The following ATG14 variants were observed in gnomAD, a reference collection of about 807,000 sequenced individuals.
ATG14 encodes beclin 1-associated autophagy-related key regulator.
ATG14 carries 35 observed loss-of-function variants against 60.4 expected under a neutral mutation model. The observed-to-expected ratio is 0.58, with a 90% confidence interval of 0.44 to 0.77. The LOEUF is 0.77. ATG14 is among the 30% of genes least tolerant of loss of function. The pLI, the probability that ATG14 is intolerant of heterozygous loss-of-function variation, is 0.00. For synonymous variants in ATG14, 234 were observed against 228.8 expected (o/e 1.02, Z -0.21); for missense variants, 647 against 626.3 (o/e 1.03, Z -0.35).
intron 1 of ATG14, among the ~76,000 whole-genome samples, chr14:55,404,001 G>C (rs1885451142): frequency 6.6e-6 from 1 of 152,118 alleles, no homozygotes; most frequent in African/African-American, 2.4e-5. Flanking sequence ...TTTAAAATTT[G>C]ATGGGATGGA....
chr14:55,377,738 A>G, intron 9 of ATG14, 81 bp downstream of exon 9: 1 of 1,019,816 alleles, frequency 9.8e-7, no homozygotes, highest in East Asian at 2.4e-5. Context: ...ATTAGGGAAC[A>G]CGACTCTACT....
chr14:55,401,777 A>G (rs1885403565), intron 1 of ATG14, among the ~76,000 whole-genome samples: 1 of 152,214 alleles, frequency 6.6e-6, no homozygotes, highest in Admixed American at 6.5e-5. Flanking sequence ...GAAAGCACAC[A>G]ACCCAGCTCG....
rs530085422 is a variant in ATG14, at chr14:55,396,854, CA to C, written c.284+517del. ...CTCAGATTCCCACCATTCCCCCCCA[CA>C]AAAAAAACAAACCTCAGATTCCTAG... is the stretch of plus-strand genomic sequence containing the variant. On this transcript the variant is annotated intron_variant, in intron 2 of 9. Coordinates refer to ENST00000247178, the MANE Select transcript of ATG14 (RefSeq NM_014924.5). Among the ~76,000 whole-genome samples, 3 of 151,680 alleles carry C rather than the reference CA, an allele frequency of 2.0e-5. No individual in the cohort carries two copies. In the South Asian group the frequency reaches 6.2e-4, roughly 32 times the overall value.
intron 6 of ATG14, among the ~76,000 whole-genome samples, chr14:55,381,641 C>G (rs1218977430): frequency 6.6e-6 from 1 of 152,170 alleles, no homozygotes; most frequent in Non-Finnish European, 1.5e-5. Flanking sequence ...TGAAAGAAGT[C>G]TGACACAAAA....
intron 1 of ATG14, among the ~76,000 whole-genome samples, chr14:55,404,471 CA>C (rs1376122805): frequency 6.6e-6 from 1 of 152,234 alleles, no homozygotes; most frequent in Non-Finnish European, 1.5e-5. Context: ...CCTTCCCTAG[CA>C]ACAGGAAGTG....
At chr14:55,398,124 T>C (rs1263562052) in intron 1 of ATG14, among the ~76,000 whole-genome samples, 2 of 152,088 alleles carry the variant, frequency 1.3e-5, no homozygotes, top group Admixed American at 6.6e-5. Flanking sequence ...ATTTTGTTTT[T>C]GTATTTTTAG....
chr14:55,372,740 GGCTCAGCCTGTTTTCTTCTTTGAT>G (rs1884847396), intron 9 of ATG14, among the ~76,000 whole-genome samples: 1 of 151,770 alleles, frequency 6.6e-6, no homozygotes, highest in South Asian at 2.1e-4. Context: ...CTCCCTCCAA[GGCTCAGCCTGTTTTCTTCTTTGAT>G]GCTGCCTTCT....
At chr14:55,407,938 G>A (rs1885515473) in intron 1 of ATG14, among the ~76,000 whole-genome samples, 1 of 152,124 alleles carries the variant, frequency 6.6e-6, no homozygotes, top group African/African-American at 2.4e-5. Flanking sequence ...CAAGGAAAAA[G>A]CCCCATTGGT....
At chr14:55,399,289 A>G (rs1281832943) in intron 1 of ATG14, among the ~76,000 whole-genome samples, 2 of 152,268 alleles carry the variant, frequency 1.3e-5, no homozygotes, top group South Asian at 2.1e-4. Context: ...AATTATATTA[A>G]AAGTTCAGTT....
intron 9 of ATG14, among the ~76,000 whole-genome samples, chr14:55,376,065 A>C (rs768703075): frequency 2.6e-5 from 4 of 152,164 alleles, no homozygotes; most frequent in African/African-American, 4.8e-5. Flanking sequence ...AATGTGATGA[A>C]ATAATAAATA....
At position 55,366,894 on chromosome 14, in the gene ATG14, A is replaced by G. The variant is rs1321885047; in HGVS notation, c.*2725T>C. On this transcript the variant is annotated 3_prime_UTR_variant, in exon 10 of 10. Transcript: ENST00000247178. The stretch of plus-strand genomic sequence containing the variant: ...AAGAGTAGAAAAAACAGTGGTTGAA[A>G]TGTATACTTAAGAGTATTTACAGGG... The G allele has an allele frequency of 1.3e-5, 2 of 152,678 alleles. No homozygotes were observed. The highest frequency in any genetic ancestry group is 2.9e-5 in the Non-Finnish European group (2 of 68,058). The allele number at this position is 152,678 out of a possible 1,614,324, so 9.5% of individuals were successfully genotyped here. A position where few individuals can be genotyped will look rare whatever the true frequency, so the allele number is the denominator to read the frequency against.
chr14:55,380,211 G>A (rs1468203483), intron 7 of ATG14, among the ~76,000 whole-genome samples: 1 of 152,090 alleles, frequency 6.6e-6, no homozygotes, highest in African/African-American at 2.4e-5. Flanking sequence ...TTGCGCCACT[G>A]CACTCTGGCC....
chr14:55,409,585 C>T (rs1325733880), intron 1 of ATG14, among the ~76,000 whole-genome samples: 1 of 151,950 alleles, frequency 6.6e-6, no homozygotes, highest in Non-Finnish European at 1.5e-5. Context: ...AAGGAGGCAG[C>T]CCTGAAGATT....
chr14:55,369,946 T>C, intron 9 of ATG14, 21 bp from the exon 10 acceptor site: 1 of 1,570,106 alleles, frequency 6.4e-7, no homozygotes, highest in Middle Eastern at 1.7e-4. Flanking sequence ...ACAATGAGGG[T>C]CTCTTTAGGA....
intron 1 of ATG14, among the ~76,000 whole-genome samples, chr14:55,410,281 G>A (rs1885550849): frequency 6.6e-6 from 1 of 152,200 alleles, no homozygotes; most frequent in African/African-American, 2.4e-5. Flanking sequence ...GGAGATACAA[G>A]TCTGGCAGTC....
At chr14:55,387,517 G>A (rs1174861383) in intron 4 of ATG14, among the ~76,000 whole-genome samples, 1 of 152,074 alleles carries the variant, frequency 6.6e-6, no homozygotes, top group Non-Finnish European at 1.5e-5. Flanking sequence ...CATAGCTCTT[G>A]GTTCCTCAGA....
Position 55,383,595 on chromosome 14 carries a change from AAC to A in ATG14, c.648-1406_648-1405del, listed in dbSNP as rs1184579485. Among the ~76,000 whole-genome samples, 18 of 151,596 alleles carry A rather than the reference AAC, an allele frequency of 1.2e-4. No individual in the cohort carries two copies. The East Asian group carries it at 1.4e-3, about 11-fold the overall frequency. ...AAACAACAACAACAACAACAAAAAA[AAC>A]CCCCAAGAACAACAAAAAATAACAA... On this transcript the variant is annotated intron_variant, in intron 5 of 9. Coordinates refer to ENST00000247178, the MANE Select transcript of ATG14 (RefSeq NM_014924.5).
Position 55,369,448 on chromosome 14 carries a change from G to A in ATG14, c.*171C>T, listed in dbSNP as rs1467156376. The stretch of plus-strand genomic sequence containing the variant: ...ATAAGCATGTTGGTCACCATCACAG[G>A]CCACTTGGCAAATAGAAATGTTTGT... On this transcript the variant is annotated 3_prime_UTR_variant, in exon 10 of 10. Transcript: ENST00000247178. The A allele has an allele frequency of 1.2e-5, 7 of 584,014 alleles. No individual in the cohort carries two copies. The highest frequency in any genetic ancestry group is 1.9e-5 in the Non-Finnish European group (7 of 367,462). 36.2% of individuals were successfully genotyped at this position (584,014 alleles called of 1,614,324 possible).
intron 9 of ATG14, 112 bp downstream of exon 9, chr14:55,377,707 G>A (rs1884945602): frequency 1.5e-6 from 1 of 658,090 alleles, no homozygotes; most frequent in Non-Finnish European, 2.5e-6. Context: ...CACTATTTTT[G>A]TCCGGTTTGA....
Sources: gnomAD v4.1 joint callset for allele counts (sites outside exome capture counted in the v4.1 genomes callset) on GRCh38, gnomAD v4.1.1 for gene constraint, MANE v1.5 for transcripts, NCBI Gene and HGNC (gene_info 2026-07-23, HGNC 2026-07-21) for gene names.